The following COL5A2 variants were observed in gnomAD, a reference collection of about 807,000 sequenced individuals.
COL5A2 encodes the protein collagen alpha-2(V) chain.
A neutral mutation model predicts 208.2 loss-of-function variants in COL5A2; 23 were observed. That is an observed-to-expected ratio of 0.11 (90% CI 0.08 to 0.16). The LOEUF (loss-of-function observed/expected upper bound fraction) is 0.16. Among genes scored for constraint, COL5A2 ranks in the 10% least tolerant of loss-of-function variants. The pLI is 1.00. For missense variants in COL5A2, 1,590 were observed against 1,956.4 expected, an observed-to-expected ratio of 0.81 and a Z score of 3.53; for synonymous variants, 625 against 628.5, an observed-to-expected ratio of 0.99 and a Z score of 0.08.
At chr2:189,241,958 G>T in the COL5A2 span, among the ~76,000 whole-genome samples, 10 of 152,276 alleles carry the variant, frequency 6.6e-5, no homozygotes, top group East Asian at 1.7e-3. Context: ...TTTGACCACA[G>T]TGAGGGTGAA....
intron 1 of COL5A2, among the ~76,000 whole-genome samples, chr2:189,218,691 A>C (rs1376193964): frequency 6.6e-6 from 1 of 152,204 alleles, no homozygotes; most frequent in Admixed American, 6.5e-5. Flanking sequence ...TAAAATGTAT[A>C]AAACCAGCAA....
At chr2:189,360,164 T>C in the COL5A2 span, among the ~76,000 whole-genome samples, 9 of 152,266 alleles carry the variant, frequency 5.9e-5, no homozygotes, top group African/African-American at 2.2e-4. Context: ...GCCTTTCTAC[T>C]TTTTGATATA....
the COL5A2 span, among the ~76,000 whole-genome samples, chr2:189,301,380 T>G: frequency 6.6e-6 from 1 of 152,240 alleles, no homozygotes; most frequent in Non-Finnish European, 1.5e-5. Context: ...ATGTATTATC[T>G]GCTAAATCAG....
intron 34 of COL5A2, 132 bp downstream of exon 34, chr2:189,057,188 T>C (rs183359421): frequency 2.9e-6 from 3 of 1,028,524 alleles, no homozygotes; most frequent in African/African-American, 1.6e-5. Flanking sequence ...AAATGTTTAT[T>C]AGAAGAATGA....
At chr2:189,316,692 C>A in the COL5A2 span, among the ~76,000 whole-genome samples, 1 of 150,772 alleles carries the variant, frequency 6.6e-6, no homozygotes, top group Non-Finnish European at 1.5e-5. Flanking sequence ...ACCCCCATGA[C>A]ACAAGTTCAC....
chr2:189,256,175 G>A, the COL5A2 span, among the ~76,000 whole-genome samples: 2 of 152,072 alleles, frequency 1.3e-5, no homozygotes, highest in African/African-American at 4.8e-5. Context: ...TTTCATTTTC[G>A]TAGGCAAAAA....
chr2:189,282,426 G>A, the COL5A2 span, among the ~76,000 whole-genome samples: 3 of 152,066 alleles, frequency 2.0e-5, no homozygotes, highest in Non-Finnish European at 2.9e-5. Context: ...AAGCATGATA[G>A]TATAAAACAA....
the COL5A2 span, among the ~76,000 whole-genome samples, chr2:189,308,575 T>C: frequency 4.4e-3 from 673 of 152,286 alleles, 5 homozygotes; most frequent in African/African-American, 0.015. Flanking sequence ...GTCTGGCACC[T>C]TTTTAGGTCT....
chr2:189,093,517 T>C (rs1407769980), intron 6 of COL5A2, among the ~76,000 whole-genome samples: 2 of 152,024 alleles, frequency 1.3e-5, no homozygotes, highest in African/African-American at 4.8e-5. Flanking sequence ...ATATGATGGT[T>C]TTGGGGAGGG....
At chr2:189,279,576 G>C in the COL5A2 span, among the ~76,000 whole-genome samples, 1 of 147,916 alleles carries the variant, frequency 6.8e-6, no homozygotes, top group Admixed American at 6.8e-5. Flanking sequence ...TTTCAGACCA[G>C]ATATCAAACC....
chr2:189,172,631 T>C (rs1163026795), intron 1 of COL5A2, among the ~76,000 whole-genome samples: 1 of 152,140 alleles, frequency 6.6e-6, no homozygotes, highest in Non-Finnish European at 1.5e-5. Context: ...AGAACCCAGC[T>C]GTTCTCTCAC....
At chr2:189,431,128 C>T in the COL5A2 span, among the ~76,000 whole-genome samples, 1 of 152,128 alleles carries the variant, frequency 6.6e-6, no homozygotes, top group Non-Finnish European at 1.5e-5. Context: ...AACTAACAAA[C>T]AGAAAGGAAT....
intron 23 of COL5A2, among the ~76,000 whole-genome samples, chr2:189,065,955 T>TTACA (rs1418879787): frequency 6.6e-6 from 1 of 152,236 alleles, no homozygotes; most frequent in African/African-American, 2.4e-5. Flanking sequence ...TAATCTAACA[T>TTACA]TACAACACTG....
At chr2:189,296,334 A>G in the COL5A2 span, among the ~76,000 whole-genome samples, 1 of 152,138 alleles carries the variant, frequency 6.6e-6, no homozygotes, top group East Asian at 1.9e-4. Context: ...ATCTCTTCAC[A>G]CATTATGCCC....
At chr2:189,316,106 C>G in the COL5A2 span, among the ~76,000 whole-genome samples, 2 of 152,146 alleles carry the variant, frequency 1.3e-5, no homozygotes, top group Non-Finnish European at 2.9e-5. Context: ...AATTCCATTA[C>G]TTGCTATATA....
the COL5A2 span, among the ~76,000 whole-genome samples, chr2:189,422,930 G>A: frequency 1.3e-5 from 2 of 151,612 alleles, no homozygotes; most frequent in Non-Finnish European, 2.9e-5. Flanking sequence ...GGCTGAGGCA[G>A]GAGAATTGCT....
At chr2:189,041,893 T>C (rs1559074886) in intron 49 of COL5A2, among the ~76,000 whole-genome samples, 200 bp from the exon 50 acceptor site, 1 of 152,254 alleles carries the variant, frequency 6.6e-6, no homozygotes, top group African/African-American at 2.4e-5. Context: ...CATCCATGCA[T>C]GGTAAAAGAC....
chr2:189,401,682 C>T, the COL5A2 span, among the ~76,000 whole-genome samples: 3 of 152,360 alleles, frequency 2.0e-5, no homozygotes, highest in South Asian at 6.2e-4. Flanking sequence ...CTCCCACCAA[C>T]AATGTAAAAG....
At chr2:189,189,713 A>G (rs1170033546) in intron 1 of COL5A2, among the ~76,000 whole-genome samples, 1 of 152,082 alleles carries the variant, frequency 6.6e-6, no homozygotes, top group South Asian at 2.1e-4. Flanking sequence ...TTGAATTAGA[A>G]TTTCTATTTA....
Sources: gnomAD v4.1 joint callset for allele counts (sites outside exome capture counted in the v4.1 genomes callset) on GRCh38, gnomAD v4.1.1 for gene constraint, MANE v1.5 for transcripts, NCBI Gene and HGNC (gene_info 2026-07-23, HGNC 2026-07-21) for gene names.